PPP2R2C: variants seen among roughly 807,000 people sequenced by gnomAD.
PPP2R2C encodes protein phosphatase 2, regulatory subunit B, gamma.
Under a neutral mutation model 45.3 loss-of-function variants are expected in PPP2R2C, and 10 were observed. The ratio of observed to expected loss-of-function variants is 0.22; its 90% CI spans 0.14 to 0.37. The LOEUF (loss-of-function observed/expected upper bound fraction) is 0.37. Among genes scored for constraint, PPP2R2C ranks in the 10% least tolerant of loss-of-function variants. PPP2R2C has a pLI of 1.00. For missense variants in PPP2R2C, 308 were observed against 619.7 expected (o/e 0.50, Z 5.34); for synonymous variants, 257 against 245.4 (o/e 1.05, Z -0.44).
intron 1 of PPP2R2C, among the ~76,000 whole-genome samples, chr4:6,441,866 G>A (rs111971943): frequency 0.01 from 1,573 of 152,246 alleles, 36 homozygotes; most frequent in African/African-American, 0.036. Flanking sequence ...ACTGGGTATG[G>A]CCCCCCAGCA....
intron 5 of PPP2R2C, among the ~76,000 whole-genome samples, chr4:6,366,843 A>C (rs1402914664): frequency 6.6e-6 from 1 of 152,166 alleles, no homozygotes; most frequent in Non-Finnish European, 1.5e-5. Flanking sequence ...CACCAAAGGC[A>C]CAGGGCACTG....
At chr4:6,347,800 C>A in intron 6 of PPP2R2C, 46 bp downstream of exon 6, 3 of 1,253,258 alleles carry the variant, frequency 2.4e-6, no homozygotes, top group East Asian at 2.8e-5. Context: ...CCCACCCGCC[C>A]GCCTGCCCAA....
At chr4:6,520,399 G>A (rs748419069) in intron 2 of PPP2R2C, among the ~76,000 whole-genome samples, 3 of 152,286 alleles carry the variant, frequency 2.0e-5, no homozygotes, top group Non-Finnish European at 2.9e-5. Flanking sequence ...ACATCCTTCT[G>A]GACAAGATCT....
chr4:6,336,372 G>A (rs1002801992), intron 6 of PPP2R2C, among the ~76,000 whole-genome samples: 10 of 152,046 alleles, frequency 6.6e-5, no homozygotes, highest in African/African-American at 1.4e-4. Context: ...GAGGCCGCTC[G>A]CAGAGGGAGC....
chr4:6,409,698 G>T (rs1392152258), intron 1 of PPP2R2C, among the ~76,000 whole-genome samples: 1 of 152,134 alleles, frequency 6.6e-6, no homozygotes, highest in East Asian at 1.9e-4. Context: ...CCATATCCCA[G>T]CCCTGGAGAC....
At position 6,336,662 on chromosome 4, in the gene PPP2R2C, TC is replaced by T. The variant is rs1560453231; in HGVS notation, c.791-2932del. Among the ~76,000 whole-genome samples the T allele has an allele frequency of 1.9e-3, 34 of 17,752 alleles. 1 individual carries two copies. The highest frequency in any genetic ancestry group is 5.2e-3 in the African/African-American group (10 of 1,912). The allele number at this position is 17,752 out of a possible 152,430, so 11.6% of individuals were successfully genotyped here. A position where few individuals can be genotyped will look rare whatever the true frequency, so the allele number is the denominator to read the frequency against. ...CTCCCTCCCTCCCTCCCTCCCTCCCTCCCTGCTTCCATCCCTCCCTCCCTCC... is the reference window on the plus strand; with the variant it reads ...CTCCCTCCCTCCCTCCCTCCCTCCCTCCTGCTTCCATCCCTCCCTCCCTCC... On this transcript the variant is annotated intron_variant, in intron 6 of 8. Transcript: ENST00000382599.
intron 5 of PPP2R2C, chr4:6,350,925 A>G: frequency 1.0e-6 from 1 of 985,384 alleles, no homozygotes; most frequent in Non-Finnish European, 1.2e-6. Flanking sequence ...GTTTGCTACC[A>G]CTGCAAAACG....
intron 1 of PPP2R2C, among the ~76,000 whole-genome samples, chr4:6,427,553 C>G (rs1255858718): frequency 2.0e-5 from 3 of 152,330 alleles, no homozygotes; most frequent in African/African-American, 7.2e-5. Context: ...GGAATGAGCC[C>G]TACCCCATCT....
intron 5 of PPP2R2C, among the ~76,000 whole-genome samples, chr4:6,357,437 C>T (rs1000055518): frequency 6.6e-6 from 1 of 152,202 alleles, no homozygotes; most frequent in Non-Finnish European, 1.5e-5. Context: ...GGATTTCTAT[C>T]GAAACTGCAA....
At chr4:6,542,963 A>T (rs1245435643) in intron 1 of PPP2R2C, among the ~76,000 whole-genome samples, 2 of 152,228 alleles carry the variant, frequency 1.3e-5, no homozygotes, top group African/African-American at 4.8e-5. Flanking sequence ...AGACAACCCA[A>T]CAGGAAAAAA....
At chr4:6,408,816 G>T (rs1717969960) in intron 1 of PPP2R2C, among the ~76,000 whole-genome samples, 1 of 151,974 alleles carries the variant, frequency 6.6e-6, no homozygotes. Context: ...AGTGGACAGG[G>T]GGCTGCAGCT....
At chr4:6,382,335 T>G in intron 1 of PPP2R2C, 3 of 1,301,018 alleles carry the variant, frequency 2.3e-6, no homozygotes, top group Non-Finnish European at 3.0e-6. Context: ...TTTAGCAAAA[T>G]GGATCTACTT....
rs916875892 is a variant in PPP2R2C, at chr4:6,470,794, C to G, written c.70+1366G>C. Among the ~76,000 whole-genome samples, 7 of 152,138 alleles carry G rather than the reference C, an allele frequency of 4.6e-5. No homozygotes were observed. The East Asian group carries it at 1.4e-3, about 29-fold the overall frequency. ...CGGCCGGGTCAGAGCCCCACCGGCC[C>G]GGAGGCCCGGGCAGCCCTGCCCCTC... On this transcript the variant is annotated intron_variant, in intron 1 of 8. Coordinates refer to ENST00000382599, the MANE Select transcript of PPP2R2C (RefSeq NM_020416.4).
At chr4:6,544,397 C>T (rs1724907751) in intron 1 of PPP2R2C, among the ~76,000 whole-genome samples, 1 of 152,044 alleles carries the variant, frequency 6.6e-6, no homozygotes, top group Admixed American at 6.5e-5. Flanking sequence ...GGTTGGAGTG[C>T]AGTGGCATGA....
At chr4:6,341,563 T>A (rs1183474915) in intron 6 of PPP2R2C, among the ~76,000 whole-genome samples, 2 of 152,122 alleles carry the variant, frequency 1.3e-5, no homozygotes, top group Admixed American at 6.5e-5. Context: ...TCTATCTACA[T>A]CCTCCACCCT....
intron 1 of PPP2R2C, among the ~76,000 whole-genome samples, chr4:6,421,298 G>A (rs1459008877): frequency 1.3e-5 from 2 of 152,134 alleles, no homozygotes; most frequent in East Asian, 1.9e-4. Context: ...GTCAGCAGCT[G>A]GCCTGGCCTG....
chr4:6,556,175 A>ACATCATTTC (rs1725394760), intron 1 of PPP2R2C, among the ~76,000 whole-genome samples: 1 of 152,144 alleles, frequency 6.6e-6, no homozygotes, highest in Non-Finnish European at 1.5e-5. Flanking sequence ...ATCATGCTAA[A>ACATCATTTC]CATCATTTCC....
chr4:6,448,530 C>A (rs2108743078), intron 1 of PPP2R2C, among the ~76,000 whole-genome samples: 1 of 152,250 alleles, frequency 6.6e-6, no homozygotes, highest in African/African-American at 2.4e-5. Flanking sequence ...CACTACCATG[C>A]ATCACTGGCC....
intron 1 of PPP2R2C, among the ~76,000 whole-genome samples, chr4:6,450,391 G>A (rs1031037018): frequency 6.6e-6 from 1 of 152,156 alleles, no homozygotes; most frequent in African/African-American, 2.4e-5. Flanking sequence ...TCACTTTATT[G>A]AGCAAATGGT....
Sources: allele counts gnomAD v4.1 joint callset (sites outside exome capture counted in the v4.1 genomes callset), GRCh38; gene constraint gnomAD v4.1.1; transcripts MANE v1.5; gene names NCBI Gene and HGNC (gene_info 2026-07-23, HGNC 2026-07-21).